ZFC3H1: variants seen among roughly 807,000 people sequenced by gnomAD.
ZFC3H1 encodes zinc finger C3H1 domain-containing protein.
In ZFC3H1, 71 loss-of-function variants were observed where a neutral mutation model predicts 243.7. The ratio of observed to expected loss-of-function variants is 0.29; its 90% CI spans 0.24 to 0.36. ZFC3H1 has a LOEUF of 0.36. Ranked by LOEUF, ZFC3H1 falls within the 10% of genes least tolerant of loss-of-function variation. The probability of loss-of-function intolerance (pLI) is 1.00; values close to 1 mark genes in which losing one functional copy is unlikely to be tolerated. For missense variants in ZFC3H1, 1,966 were observed against 2,317.1 expected (o/e 0.85, Z 3.11); for synonymous variants, 838 against 813.0 (o/e 1.03, Z -0.52).
Position 71,629,591 on chromosome 12 carries a change from A to ACACACT in ZFC3H1, c.3826+17_3826+18insAGTGTG, listed in dbSNP as rs752537009. 12 of 1,481,498 alleles carry ACACACT rather than the reference A, an allele frequency of 8.1e-6. No individual in the cohort carries two copies. The highest frequency in any genetic ancestry group is 8.4e-6 in the Non-Finnish European group (9 of 1,068,464). The allele number at this position is 1,481,498 out of a possible 1,614,324, so 91.8% of individuals were successfully genotyped here. A position where few individuals can be genotyped will look rare whatever the true frequency, so the allele number is the denominator to read the frequency against. The stretch of plus-strand genomic sequence containing the variant: ...CACACACACACACACACACACACAC[A>ACACACT]CTTATATATGTACTTACTATGACCT... On this transcript the variant is annotated intron_variant, in intron 19 of 34. Transcript: ENST00000378743.
Position 71,636,999 on chromosome 12 carries a change from G to A in ZFC3H1, c.1786C>T (p.Pro596Ser). ...AGAGGTGGTAATGGTGGTAGAGGAGGTAGAGGTTCAAGAGAAACACACAAG... is the reference window on the plus strand; with the variant it reads ...AGAGGTGGTAATGGTGGTAGAGGAGATAGAGGTTCAAGAGAAACACACAAG... ...EGLCVSLEPL[P>S]PLPPLPPLPP... Residue 596 changes from proline (P) to serine (S), a missense_variant, in exon 8 of 35, where the codon CCT becomes TCT. Coordinates refer to ENST00000378743, the MANE Select transcript of ZFC3H1 (RefSeq NM_144982.5). 2.5e-6 allele frequency: 4 copies of A among 1,614,026 alleles called. No homozygotes were observed. The highest frequency in any genetic ancestry group is 3.4e-6 in the Non-Finnish European group (4 of 1,179,960).
Position 71,629,656 on chromosome 12 carries a change from T to C in ZFC3H1, c.3779A>G (p.Gln1260Arg). Residue 1260 changes from glutamine (Q) to arginine (R), a missense_variant, in exon 19 of 35, where the codon CAG becomes CGG. Coordinates refer to ENST00000378743, the MANE Select transcript of ZFC3H1 (RefSeq NM_144982.5). ...ATTGCTAACAAGGAGAACAGCCATC[T>C]GGTCCATTGACATTCGATCTTTGTT... ...GVNKDRMSMD[Q>R]MAVLLVSNIN... 1 of 1,613,554 alleles carries C rather than the reference T, an allele frequency of 6.2e-7. No homozygotes were observed. The highest frequency in any genetic ancestry group is 1.1e-5 in the South Asian group (1 of 91,082).
Position 71,632,118 on chromosome 12 carries a change from G to C in ZFC3H1, c.3214C>G (p.Leu1072Val). The change falls in exon 15 of 35, where the codon CTT becomes GTT. Residue 1072 changes from leucine to valine, a missense_variant. Physicochemically the swap from Leu to Val is conservative, Grantham distance 32 (BLOSUM62 1). Coordinates refer to ENST00000378743, the MANE Select transcript of ZFC3H1 (RefSeq NM_144982.5). ...GGTTTTTCTACAGTATTTTTATTAAGTTTGTTTATGCATTCTTTGTTAGCA... is the reference window on the plus strand; with the variant it reads ...GGTTTTTCTACAGTATTTTTATTAACTTTGTTTATGCATTCTTTGTTAGCA... ...DTANKECINK[L>V]NKNTVEKPEL... is the part of the protein sequence containing the mutation. 1 of 1,610,142 alleles carries C rather than the reference G, an allele frequency of 6.2e-7. No individual in the cohort carries two copies. The highest frequency in any genetic ancestry group is 8.5e-7 in the Non-Finnish European group (1 of 1,178,932).
chr12:71,653,298 G>GAT (rs1168707843), intron 2 of ZFC3H1, among the ~76,000 whole-genome samples: 1 of 152,172 alleles, frequency 6.6e-6, no homozygotes, highest in African/African-American at 2.4e-5. Context: ...TACAGCAGAA[G>GAT]AGAGAATCAG....
At chr12:71,658,341 T>A (rs936095189) in intron 1 of ZFC3H1, among the ~76,000 whole-genome samples, 4 of 137,330 alleles carry the variant, frequency 2.9e-5, no homozygotes, top group Non-Finnish European at 6.0e-5. Flanking sequence ...CAGTCTGGAG[T>A]GCAGTGGTGC....
At position 71,644,901 on chromosome 12, in the gene ZFC3H1, A is replaced by C. The variant is rs1880690028; in HGVS notation, c.1255T>G (p.Ser419Ala). 1.2e-6 allele frequency: 2 copies of C among 1,610,888 alleles called. No individual in the cohort carries two copies. Among genetic ancestry groups the C allele is most frequent in the Non-Finnish European group, 1.7e-6 (2 of 1,179,702 alleles). The change falls in exon 4 of 35, where the codon TCG becomes GCG. Residue 419 changes from serine (S) to alanine (A), a missense_variant. Physicochemically the swap from Ser to Ala is moderately conservative, Grantham distance 99. Transcript: ENST00000378743. Reference protein sequence around the residue: ...QKVKTSTKTHSAKKVSTTAKQ... With the variant: ...QKVKTSTKTHAAKKVSTTAKQ... ...CCTGTAGTGCTAACTTTTTTGGCCGAATGTGTTTTTGTACTTGTTTTAACT... is the reference window on the plus strand; with the variant it reads ...CCTGTAGTGCTAACTTTTTTGGCCGCATGTGTTTTTGTACTTGTTTTAACT...
At position 71,630,634 on chromosome 12, in the gene ZFC3H1, C is replaced by T. The variant is rs774959064; in HGVS notation, c.3690G>A (p.Glu1230=). ...CAGTAATTTCTTCATTAGTACTTGTCTCTGCACAACCAATCAAAGACAGAT... is the reference window on the plus strand; with the variant it reads ...CAGTAATTTCTTCATTAGTACTTGTTTCTGCACAACCAATCAAAGACAGAT... ...SYNLSLIGCA[E]TSTNEEITAS... The change falls in exon 18 of 35, where the codon GAG becomes GAA. Residue 1230 remains glutamate (E), a synonymous_variant. Coordinates refer to ENST00000378743, the MANE Select transcript of ZFC3H1 (RefSeq NM_144982.5). The T allele has an allele frequency of 1.4e-5, 23 of 1,613,102 alleles. No individual in the cohort carries two copies. The African/African-American group carries it at 2.7e-4, about 19-fold the overall frequency.
At chr12:71,613,733 G>A (rs940555565) in intron 30 of ZFC3H1, 2 of 218,512 alleles carry the variant, frequency 9.2e-6, no homozygotes, top group South Asian at 1.4e-4. Flanking sequence ...CAAGTCATAG[G>A]GCTAATAATA....
At chr12:71,643,485 G>A (rs536885491) in intron 5 of ZFC3H1, among the ~76,000 whole-genome samples, 2 of 151,270 alleles carry the variant, frequency 1.3e-5, no homozygotes, top group Admixed American at 1.3e-4. Flanking sequence ...TCCAATTAAC[G>A]AATTTACTCT....
At chr12:71,647,645 G>C (rs1458494663) in intron 3 of ZFC3H1, 104 bp downstream of exon 3, 11 of 636,690 alleles carry the variant, frequency 1.7e-5, no homozygotes, top group Non-Finnish European at 2.9e-5. Context: ...AATGATGAAA[G>C]AAAATAAGTG....
At chr12:71,625,106 C>G (rs1411598888) in intron 22 of ZFC3H1, among the ~76,000 whole-genome samples, 1 of 152,008 alleles carries the variant, frequency 6.6e-6, no homozygotes, top group Non-Finnish European at 1.5e-5. Flanking sequence ...CACTTAGGTA[C>G]AATGCTCTAG....
chr12:71,625,184 A>G (rs1148990), intron 22 of ZFC3H1, among the ~76,000 whole-genome samples: 77,094 of 152,074 alleles, frequency 0.51, 22,815 homozygotes, highest in Middle Eastern at 0.73. Flanking sequence ...AGAGTAAGAA[A>G]TAGAGTAGCA....
At chr12:71,635,233 C>T (rs947153256) in intron 10 of ZFC3H1, among the ~76,000 whole-genome samples, 1 of 152,070 alleles carries the variant, frequency 6.6e-6, no homozygotes, top group Non-Finnish European at 1.5e-5. Context: ...TAATAGGAAA[C>T]ACAAATAATG....
intron 3 of ZFC3H1, among the ~76,000 whole-genome samples, chr12:71,645,626 G>A (rs1186954942): frequency 6.6e-6 from 1 of 152,226 alleles, no homozygotes; most frequent in South Asian, 2.1e-4. Context: ...ATAGAGATTT[G>A]CTTACAGCTG....
chr12:71,635,688 C>A, intron 9 of ZFC3H1, 108 bp from the exon 10 acceptor site: 1 of 1,110,288 alleles, frequency 9.0e-7, no homozygotes, highest in Non-Finnish European at 1.2e-6. Context: ...GTCTATGGCT[C>A]CTTCTAGGGT....
chr12:71,663,376 A>T lies in ZFC3H1; in HGVS notation c.235T>A (p.Ser79Thr), dbSNP rs1201390078. 1 of 1,612,728 alleles carries T rather than the reference A, an allele frequency of 6.2e-7. No homozygotes were observed. Among genetic ancestry groups the T allele is most frequent in the African/African-American group, 1.3e-5 (1 of 74,940 alleles). The change falls in exon 1 of 35, where the codon TCT (serine) becomes ACT (threonine). Residue 79 changes from serine (S) to threonine (T), a missense_variant. Physicochemically the swap from Ser to Thr is moderately conservative, Grantham distance 58. Transcript: ENST00000378743. ...GAGAAATTCCTCAGCTGCTGCTGAG[A>T]AGAGGACGATGACGAGGAAGAGCCA... Reference protein sequence around the residue: ...GGGSSSSSSSSQQQLRNFSRS... With the variant: ...GGGSSSSSSSTQQQLRNFSRS...
intron 31 of ZFC3H1, among the ~76,000 whole-genome samples, chr12:71,612,360 G>C (rs186527096): frequency 4.6e-5 from 7 of 152,128 alleles, no homozygotes; most frequent in African/African-American, 1.7e-4. Context: ...TCAAAACACA[G>C]ATGTAGGGAT....
chr12:71,663,712 T>A lies in ZFC3H1; in HGVS notation c.-102A>T, dbSNP rs568150118. On this transcript the variant is annotated 5_prime_UTR_variant, in exon 1 of 35. Coordinates refer to ENST00000378743, the MANE Select transcript of ZFC3H1 (RefSeq NM_144982.5). ...TTCCTAACGGACTGGGTCGGTGCGG[T>A]CTTACCCTACTCGGACACCAAGCGG... The A allele has an allele frequency of 1.0e-5, 14 of 1,384,314 alleles. No individual in the cohort carries two copies. The highest frequency in any genetic ancestry group is 1.3e-5 in the Non-Finnish European group (13 of 1,017,870). 85.8% of individuals were successfully genotyped at this position (1,384,314 alleles called of 1,614,324 possible). A position where few individuals can be genotyped will look rare whatever the true frequency, so the allele number is the denominator to read the frequency against.
At position 71,663,328 on chromosome 12, in the gene ZFC3H1, G is replaced by A. The variant is rs966338145; in HGVS notation, c.283C>T (p.Arg95Trp). ...CTGCTGGGTCCCCTGAGGTGGCCCCGCTCAGACGCGTGCCGCGAGCGTGAG... is the reference window on the plus strand; with the variant it reads ...CTGCTGGGTCCCCTGAGGTGGCCCCACTCAGACGCGTGCCGCGAGCGTGAG... The part of the protein sequence containing the change: ...NFSRSRHASE[R>W]GHLRGPSSYR... The change falls in exon 1 of 35, where the codon CGG becomes TGG. Residue 95 changes from arginine (R) to tryptophan (W), a missense_variant. Physicochemically the swap from Arg to Trp is moderately radical, Grantham distance 101 (BLOSUM62 -3). Around this residue, in one of 4 missense-constraint regions of ZFC3H1, gnomAD observed 484 missense variants for 449.7 expected, o/e 1.08. Coordinates refer to ENST00000378743, the MANE Select transcript of ZFC3H1 (RefSeq NM_144982.5). The A allele has an allele frequency of 2.5e-6, 4 of 1,613,216 alleles. No homozygotes were observed. Among genetic ancestry groups the A allele is most frequent in the Non-Finnish European group, 3.4e-6 (4 of 1,180,030 alleles).
Sources: gnomAD v4.1 joint callset for allele counts (sites outside exome capture counted in the v4.1 genomes callset) on GRCh38, gnomAD v4.1.1 for gene constraint, gnomAD v4.1.1 regional missense constraint, MANE v1.5 for transcripts, NCBI Gene and HGNC (gene_info 2026-07-23, HGNC 2026-07-21) for gene names.